Variants in CHUK observed in about 807,000 individuals in gnomAD.
CHUK encodes the protein component of inhibitor of nuclear factor kappa B kinase complex, also known as inhibitor of nuclear factor kappa-B kinase subunit alpha.
A neutral mutation model predicts 104.8 loss-of-function variants in CHUK; 35 were observed. The ratio of observed to expected loss-of-function variants is 0.33; its 90% CI spans 0.26 to 0.44. The LOEUF (loss-of-function observed/expected upper bound fraction) is 0.44, where lower values mean the gene tolerates loss of function less well. CHUK is among the 20% of genes least tolerant of loss of function. The pLI is 1.00. For missense variants in CHUK, 663 were observed against 902.7 expected (o/e 0.73, Z 3.40); for synonymous variants, 276 against 291.9 (o/e 0.95, Z 0.56).
intron 16 of CHUK, 138 bp downstream of exon 16, chr10:100,199,833 C>G: frequency 1.4e-6 from 1 of 717,486 alleles, no homozygotes; most frequent in South Asian, 1.5e-5. Flanking sequence ...TACCATGTCT[C>G]AATGGCAATA....
Position 100,199,981 on chromosome 10 carries a change from G to C in CHUK, c.1719C>G (p.His573Gln), listed in dbSNP as rs371533046. The part of the protein sequence containing the change: ...RAIDLYKQLK[H>Q]RPSDHSYSDS... ...GTAGAAGTGTCTTACCTGAAGGTCT[G>C]TGTTTTAACTGCTTATATAGATCAA... The change falls in exon 16 of 21, where the codon CAC becomes CAG. Residue 573 changes from histidine (H) to glutamine (Q), a missense_variant. By Grantham distance (24) the His-to-Gln change is conservative. Transcript: ENST00000370397. The C allele has an allele frequency of 1.9e-6, 3 of 1,611,770 alleles. No homozygotes were observed. The highest frequency in any genetic ancestry group is 2.5e-6 in the Non-Finnish European group (3 of 1,178,098).
chr10:100,186,437 A>G (rs908096786), downstream of CHUK: 3 of 172,694 alleles, frequency 1.7e-5, no homozygotes, highest in African/African-American at 7.1e-5. Context: ...TGTTGCAAAT[A>G]AAGTGCTGTG....
intron 5 of CHUK, 114 bp downstream of exon 5, chr10:100,220,474 T>C (rs991885732): frequency 8.2e-5 from 64 of 783,994 alleles, no homozygotes; most frequent in Non-Finnish European, 1.3e-4. Context: ...AGGTCTGAAA[T>C]GGAAAAAGTA....
intron 5 of CHUK, among the ~76,000 whole-genome samples, chr10:100,219,606 C>T (rs1180758589): frequency 6.6e-6 from 1 of 152,072 alleles, no homozygotes; most frequent in Admixed American, 6.6e-5. Flanking sequence ...TTATTAGGAT[C>T]CAATGAAATA....
intron 2 of CHUK, among the ~76,000 whole-genome samples, chr10:100,224,283 T>C (rs1846056137): frequency 6.6e-6 from 1 of 152,156 alleles, no homozygotes; most frequent in Non-Finnish European, 1.5e-5. Flanking sequence ...AGTCAAGCCT[T>C]TGGATTACTG....
intron 12 of CHUK, 128 bp downstream of exon 12, chr10:100,204,948 C>T: frequency 9.3e-7 from 1 of 1,078,784 alleles, no homozygotes; most frequent in East Asian, 2.4e-5. Flanking sequence ...TTTATCAGAA[C>T]ATTACACTTC....
chr10:100,200,897 AT>A, intron 14 of CHUK, 117 bp from the exon 15 acceptor site: 1 of 705,944 alleles, frequency 1.4e-6, no homozygotes. Flanking sequence ...ACTAAATAAT[AT>A]AATACGAAAC....
At chr10:100,209,937 A>G in intron 9 of CHUK, 148 bp from the exon 10 acceptor site, 1 of 538,374 alleles carries the variant, frequency 1.9e-6, no homozygotes, top group Non-Finnish European at 3.3e-6. Flanking sequence ...ATCTCCTTTT[A>G]TAATTATAAA....
rs1485627895 is a variant in CHUK, at chr10:100,200,763, G to A, written c.1587C>T (p.Tyr529=). The A allele has an allele frequency of 6.3e-7, 1 of 1,596,710 alleles. No homozygotes were observed. The highest frequency in any genetic ancestry group is 2.2e-5 in the East Asian group (1 of 44,772). The stretch of plus-strand genomic sequence containing the variant: ...GCAAAGACATAATCTGATCCTCCAG[G>A]TATCCAATGACACCAACCTAAAATA... The part of the protein sequence containing the change: ...IHYAEVGVIG[Y]LEDQIMSLHA... The change falls in exon 15 of 21, where the codon TAC becomes TAT. Residue 529 remains tyrosine (Y), a synonymous_variant. Coordinates refer to ENST00000370397, the MANE Select transcript of CHUK (RefSeq NM_001278.5).
intron 1 of CHUK, 61 bp downstream of exon 1, chr10:100,229,367 C>T: frequency 8.0e-7 from 1 of 1,257,370 alleles, no homozygotes; most frequent in Non-Finnish European, 1.1e-6. Context: ...CTGTGTTCCA[C>T]AGACGCTCAA....
intron 9 of CHUK, among the ~76,000 whole-genome samples, chr10:100,211,422 CT>C (rs1286278693): frequency 2.0e-5 from 3 of 151,826 alleles, no homozygotes; most frequent in Admixed American, 6.6e-5. Context: ...ATTTTTGTAC[CT>C]TTTTTTTCTT....
chr10:100,204,250 A>G (rs1050767891), intron 13 of CHUK, among the ~76,000 whole-genome samples: 6 of 152,258 alleles, frequency 3.9e-5, no homozygotes, highest in Non-Finnish European at 4.4e-5. Flanking sequence ...TTTGAAATTC[A>G]AGATTATTAA....
At chr10:100,204,706 A>G (rs1027727966) in intron 12 of CHUK, 49 bp from the exon 13 acceptor site, 4 of 1,431,200 alleles carry the variant, frequency 2.8e-6, no homozygotes, top group Non-Finnish European at 3.9e-6. Flanking sequence ...TATTATCAGC[A>G]TTCAGAAACA....
intron 9 of CHUK, among the ~76,000 whole-genome samples, chr10:100,212,118 T>G (rs1845743505): frequency 6.6e-6 from 1 of 152,078 alleles, no homozygotes; most frequent in Non-Finnish European, 1.5e-5. Flanking sequence ...CCTGGCCTCA[T>G]GTGATCCACC....
Position 100,207,215 on chromosome 10 carries a change from A to C in CHUK, c.1231+15T>G. 8.6e-7 allele frequency: 1 copy of C among 1,165,394 alleles called. No homozygotes were observed. The highest frequency in any genetic ancestry group is 1.3e-6 in the Non-Finnish European group (1 of 772,152). The allele number at this position is 1,165,394 out of a possible 1,614,324, so 72.2% of individuals were successfully genotyped here. On this transcript the variant is annotated intron_variant, in intron 11 of 20. Transcript: ENST00000370397. ...TTCATGTTTAAAGCTCAGCCACTAA[A>C]TGGACTGGACTTACCAATATAATTT...
intron 2 of CHUK, among the ~76,000 whole-genome samples, chr10:100,224,585 C>T (rs1307427376): frequency 1.3e-5 from 2 of 151,792 alleles, no homozygotes; most frequent in South Asian, 2.1e-4. Flanking sequence ...TACAGGCACC[C>T]GCCACCACAC....
chr10:100,209,545 A>G (rs768184528), intron 10 of CHUK, 50 bp downstream of exon 10: 22 of 1,170,520 alleles, frequency 1.9e-5, no homozygotes, highest in Non-Finnish European at 2.4e-5. Flanking sequence ...AGGGCACGCA[A>G]TCCCTCTAGA....
intron 4 of CHUK, 41 bp downstream of exon 4, chr10:100,222,071 G>T: frequency 9.9e-7 from 1 of 1,011,674 alleles, no homozygotes. Context: ...ATGGGCCAAA[G>T]GGACATTACA....
chr10:100,192,624 G>A, intron 19 of CHUK: 1 of 986,180 alleles, frequency 1.0e-6, no homozygotes, highest in Non-Finnish European at 1.2e-6. Flanking sequence ...AGGTCTCCAT[G>A]AGTTGTGAGA....
Sources: allele counts gnomAD v4.1 joint callset (sites outside exome capture counted in the v4.1 genomes callset), GRCh38; gene constraint gnomAD v4.1.1; transcripts MANE v1.5; gene names NCBI Gene and HGNC (gene_info 2026-07-23, HGNC 2026-07-21).